The following MTREX variants were observed in gnomAD, a reference collection of about 807,000 sequenced individuals.
MTREX encodes Mtr4 exosome RNA helicase.
Under a neutral mutation model 135.4 loss-of-function variants are expected in MTREX, and 76 were observed. The observed-to-expected ratio is 0.56, with a 90% CI of 0.47 to 0.68. The LOEUF is 0.68. MTREX is among the 30% of genes least tolerant of loss of function. The pLI is 0.00. For synonymous variants in MTREX, 404 were observed against 401.6 expected (o/e 1.01, Z -0.07); for missense variants, 920 against 1,262.1 (o/e 0.73, Z 4.11).
chr5:55,367,171 G>T (rs547016679), intron 16 of MTREX, among the ~76,000 whole-genome samples: 1 of 152,244 alleles, frequency 6.6e-6, no homozygotes, highest in African/African-American at 2.4e-5. Flanking sequence ...ACAAAGCCTA[G>T]TATATTAAAA....
At chr5:55,342,206 C>T (rs894977419) in intron 7 of MTREX, among the ~76,000 whole-genome samples, 1 of 152,174 alleles carries the variant, frequency 6.6e-6, no homozygotes, top group African/African-American at 2.4e-5. Flanking sequence ...CGCACCCAGC[C>T]TTGCTTCTTT....
At chr5:55,396,511 A>AG (rs1750649516) in intron 19 of MTREX, among the ~76,000 whole-genome samples, 1 of 152,222 alleles carries the variant, frequency 6.6e-6, no homozygotes, top group East Asian at 1.9e-4. Context: ...GAAGAAAGAA[A>AG]AAACACCCCA....
chr5:55,350,897 C>T, intron 12 of MTREX, 22 bp from the exon 13 acceptor site: 1 of 1,529,926 alleles, frequency 6.5e-7, no homozygotes, highest in East Asian at 2.3e-5. Flanking sequence ...ATTATAAAAT[C>T]AGTGTTATTC....
At chr5:55,417,722 C>T (rs1750988329) in intron 25 of MTREX, among the ~76,000 whole-genome samples, 1 of 152,060 alleles carries the variant, frequency 6.6e-6, no homozygotes, top group African/African-American at 2.4e-5. Flanking sequence ...CATAGAGCAC[C>T]ACCAGTCTTC....
At chr5:55,361,261 C>T (rs1187869325) in intron 15 of MTREX, among the ~76,000 whole-genome samples, 5 of 152,108 alleles carry the variant, frequency 3.3e-5, no homozygotes, top group African/African-American at 4.8e-5. Context: ...AATTAAAATA[C>T]GTAGCTTCTT....
At position 55,366,791 on chromosome 5, in the gene MTREX, G is replaced by A; in HGVS notation, c.1726G>A (p.Val576Ile). The change falls in exon 16 of 27, where the codon GTA becomes ATA. Residue 576 changes from valine to isoleucine, a missense_variant. Physicochemically the swap from Val to Ile is conservative, Grantham distance 29. Around this residue, in one of 6 missense-constraint regions of MTREX, gnomAD observed 467 missense variants for 589.7 expected, o/e 0.79. Coordinates refer to ENST00000230640, the MANE Select transcript of MTREX (RefSeq NM_015360.5). ...TYNMVLNLLR[V>I]EEINPEYMLE... Reference sequence around the variant, plus strand: ...CAACATGGTTTTGAACTTACTACGTGTAGAAGAAATTAATCCTGAGTACAT... The same window carrying A: ...CAACATGGTTTTGAACTTACTACGTATAGAAGAAATTAATCCTGAGTACAT... The A allele has an allele frequency of 1.2e-6, 2 of 1,611,242 alleles. No individual in the cohort carries two copies. The highest frequency in any genetic ancestry group is 2.7e-5 in the African/African-American group (2 of 74,968).
intron 19 of MTREX, among the ~76,000 whole-genome samples, chr5:55,388,848 A>G (rs1434196414): frequency 1.3e-5 from 2 of 152,202 alleles, no homozygotes; most frequent in South Asian, 2.1e-4. Flanking sequence ...TTCTAATTGA[A>G]TGTAAAATAT....
chr5:55,359,283 T>G (rs1360815870), intron 15 of MTREX, among the ~76,000 whole-genome samples: 1 of 152,224 alleles, frequency 6.6e-6, no homozygotes, highest in Non-Finnish European at 1.5e-5. Context: ...AAGATTGGCC[T>G]GGTTGCCTTT....
intron 5 of MTREX, among the ~76,000 whole-genome samples, chr5:55,334,658 C>T (rs972610897): frequency 4.6e-5 from 7 of 151,970 alleles, no homozygotes; most frequent in East Asian, 1.9e-4. Flanking sequence ...TTTAGTAAAT[C>T]GGTACAATTG....
At chr5:55,350,236 T>A (rs1377618204) in intron 12 of MTREX, among the ~76,000 whole-genome samples, 1 of 152,222 alleles carries the variant, frequency 6.6e-6, no homozygotes, top group African/African-American at 2.4e-5. Flanking sequence ...GAAAGTTTTG[T>A]TGAGTGGAAA....
intron 1 of MTREX, among the ~76,000 whole-genome samples, chr5:55,311,227 A>G (rs1399168865): frequency 6.6e-6 from 1 of 151,842 alleles, no homozygotes; most frequent in Non-Finnish European, 1.5e-5. Flanking sequence ...TTTTTTTTTA[A>G]TCAAATGCAA....
chr5:55,361,755 G>T (rs1483285093), intron 15 of MTREX, among the ~76,000 whole-genome samples: 2 of 129,316 alleles, frequency 1.5e-5, no homozygotes, highest in East Asian at 2.5e-4. Context: ...ACTGCATCCA[G>T]CCCTTTTTTT....
At chr5:55,360,961 G>C (rs943915092) in intron 15 of MTREX, among the ~76,000 whole-genome samples, 6 of 152,120 alleles carry the variant, frequency 3.9e-5, no homozygotes, top group Admixed American at 3.3e-4. Flanking sequence ...CTATGTTGTT[G>C]TTAAATGGCA....
chr5:55,394,459 G>A (rs1020798221), intron 19 of MTREX, among the ~76,000 whole-genome samples: 2 of 152,208 alleles, frequency 1.3e-5, no homozygotes, highest in Admixed American at 6.5e-5. Flanking sequence ...ATGGACCAGT[G>A]TGGAGCAGGG....
chr5:55,371,297 C>G (rs1750190716), intron 16 of MTREX, among the ~76,000 whole-genome samples: 1 of 152,194 alleles, frequency 6.6e-6, no homozygotes, highest in South Asian at 2.1e-4. Flanking sequence ...GTAAAGCAAT[C>G]TGTGCTTTTA....
rs986013084 is a variant in MTREX at position 55,321,903 on chromosome 5, C to T, written c.135-424C>T. The stretch of plus-strand genomic sequence containing the variant: ...GATTACGGGTATGAGCCACCGTGCC[C>T]GGCTCCAAACGTCATTTATTGTCAC... On this transcript the variant is annotated intron_variant, in intron 1 of 26. Transcript: ENST00000230640. Among the ~76,000 whole-genome samples, 6 of 152,150 alleles carry T rather than the reference C, an allele frequency of 3.9e-5. No individual in the cohort carries two copies. The Middle Eastern group carries it at 0.01, about 259-fold the overall frequency.
chr5:55,326,269 A>G (rs1298459962), intron 3 of MTREX, among the ~76,000 whole-genome samples: 1 of 152,034 alleles, frequency 6.6e-6, no homozygotes, highest in African/African-American at 2.4e-5. Flanking sequence ...GCATGGTGGC[A>G]TGTGCCTGTA....
At position 55,356,094 on chromosome 5, in the gene MTREX, C is replaced by G. The variant is rs184847030; in HGVS notation, c.1534-2479C>G. Among the ~76,000 whole-genome samples the G allele has an allele frequency of 2.1e-3, 322 of 152,316 alleles. 2 individuals are homozygous for G. The highest frequency in any genetic ancestry group is 7.4e-3 in the African/African-American group (306 of 41,568). On this transcript the variant is annotated intron_variant, in intron 14 of 26. Transcript: ENST00000230640. ...CCTCATTCAGGGAGTCACAGACAGC[C>G]CCCTGTGCCACCTCTACTCTTGTCA...
intron 14 of MTREX, among the ~76,000 whole-genome samples, chr5:55,353,933 G>A (rs1450699560): frequency 6.6e-6 from 1 of 152,146 alleles, no homozygotes; most frequent in Non-Finnish European, 1.5e-5. Context: ...GGCTGTACTT[G>A]CATCTATTTT....
Sources: gnomAD v4.1 joint callset for allele counts (sites outside exome capture counted in the v4.1 genomes callset) on GRCh38, gnomAD v4.1.1 for gene constraint, gnomAD v4.1.1 regional missense constraint, MANE v1.5 for transcripts, NCBI Gene and HGNC (gene_info 2026-07-23, HGNC 2026-07-21) for gene names.